The following TCEAL4 variants were observed in gnomAD, a reference collection of about 807,000 sequenced individuals.
TCEAL4 encodes the protein transcription elongation factor A like 4.
Under a neutral mutation model 1.3 loss-of-function variants are expected in TCEAL4, and 1 was observed. That is an observed-to-expected ratio of 0.79 (90% CI 0.28 to 3.76). The LOEUF is 3.76. TCEAL4 is among the 30% of genes most tolerant of loss of function. The pLI is 0.18. For synonymous variants in TCEAL4, 54 were observed against 50.7 expected, an observed-to-expected ratio of 1.06 and a Z score of -0.28; for missense variants, 129 against 154.7, an observed-to-expected ratio of 0.83 and a Z score of 0.88.
At chrX:103,584,967 CT>C (rs1265727437), upstream of TCEAL4, among the ~76,000 whole-genome samples, 7 of 112,900 alleles carry the variant, frequency 6.2e-5, no homozygotes, top group African/African-American at 2.3e-4. Context: ...AGATGCTATA[CT>C]TTGGCTTTTT....
chrX:103,579,520 T>C lies in TCEAL4; in HGVS notation c.183+2307T>C, dbSNP rs747006601. On this transcript the variant is annotated intron_variant, in intron 2 of 4. Coordinates refer to the TCEAL4 transcript ENST00000372629. Reference sequence around the variant, plus strand: ...TTGAATTTATTTCTAAGTGTTTTATTATCTTTATGCTATTTTAAGTGGAAT... The same window carrying C: ...TTGAATTTATTTCTAAGTGTTTTATCATCTTTATGCTATTTTAAGTGGAAT... Among the ~76,000 whole-genome samples the C allele has an allele frequency of 2.1e-4, 24 of 112,730 alleles. No individual in the cohort carries two copies. The South Asian group carries it at 8.7e-3, about 41-fold the overall frequency.
chrX:103,585,630 T>G lies in TCEAL4; in HGVS notation c.-101+6T>G. On this transcript the variant is annotated splice_donor_region_variant and intron_variant, in intron 1 of 2. Transcript: ENST00000472484. The stretch of plus-strand genomic sequence containing the variant: ...CTTGGTCCAGCTTCTTCCAGGTCAG[T>G]GTGCGGGCCTTCCACGCTGCCAGCG... The G allele has an allele frequency of 4.3e-6, 5 of 1,154,174 alleles. No homozygotes were observed. Among genetic ancestry groups the G allele is most frequent in the Non-Finnish European group, 5.8e-6 (5 of 867,457 alleles).
chrX:103,585,966 G>A, intron 1 of TCEAL4: 1 of 1,077,777 alleles, frequency 9.3e-7, no homozygotes, highest in Admixed American at 3.9e-5. Context: ...GTTCCCGTGC[G>A]TAGAGAAAAA....
At chrX:103,580,739 G>A (rs753508695), upstream of TCEAL4, among the ~76,000 whole-genome samples, 2 of 111,702 alleles carry the variant, frequency 1.8e-5, no homozygotes, top group African/African-American at 3.3e-5. Flanking sequence ...TGAAATATAA[G>A]ACTACTTTAG....
chrX:103,579,510 A>G (rs748151402), intron 2 of TCEAL4, among the ~76,000 whole-genome samples: 3 of 112,035 alleles, frequency 2.7e-5, no homozygotes, highest in Non-Finnish European at 5.6e-5. Context: ...TTTATTTCTA[A>G]GTGTTTTATT....
chrX:103,585,587 G>A lies in TCEAL4; in HGVS notation c.-138G>A, dbSNP rs1603161902. The A allele has an allele frequency of 8.6e-7, 1 of 1,165,290 alleles. No individual in the cohort carries two copies. The highest frequency in any genetic ancestry group is 1.1e-6 in the Non-Finnish European group (1 of 872,295). On this transcript the variant is annotated 5_prime_UTR_variant, in exon 1 of 3. Transcript: ENST00000472484. ...CCGCGGCTGGGTCTCGTCTGCTCCG[G>A]TTCCTGGGCTCCTAATTCTTGGTCC...
Position 103,586,639 on chromosome X carries a change from C to G in TCEAL4, c.-27-10C>G. The G allele has an allele frequency of 2.5e-6, 3 of 1,200,306 alleles. No homozygotes were observed. The highest frequency in any genetic ancestry group is 3.4e-6 in the Non-Finnish European group (3 of 890,993). ...CTTTGTCTCCTCTTTCCTCCACCCC[C>G]ATCCCCCAGGACAGGAAAAGGAGGG... On this transcript the variant is annotated splice_polypyrimidine_tract_variant and intron_variant, in intron 2 of 2. Transcript: ENST00000472484.
Position 103,586,875 on chromosome X carries a change from G to A in TCEAL4, c.200G>A (p.Ser67Asn). The change falls in exon 3 of 3, where the codon AGT becomes AAT. Residue 67 changes from serine to asparagine, a missense_variant. Transcript: ENST00000472484. ...TTAAAGGATAAAGGAAAGCCAGAGA[G>A]TGAGGGAGAGGCAAAAGAAGGAAAG... ...EMLKDKGKPE[S>N]EGEAKEGKSE... The A allele has an allele frequency of 8.4e-7, 1 of 1,196,888 alleles. No individual in the cohort carries two copies.
At chrX:103,579,879 C>T (rs1413416877) in intron 2 of TCEAL4, among the ~76,000 whole-genome samples, 2 of 112,166 alleles carry the variant, frequency 1.8e-5, no homozygotes, top group African/African-American at 6.5e-5. Flanking sequence ...CTATTTTTTA[C>T]TACTGATCAG....
chrX:103,586,439 C>T (rs1415241159), intron 2 of TCEAL4, 148 bp downstream of exon 2: 3 of 842,039 alleles, frequency 3.6e-6, no homozygotes, highest in Non-Finnish European at 5.0e-6. Context: ...GAGAAAGTGG[C>T]AGAGCCTGTC....
chrX:103,580,201 A>G (rs1395018353), intron 2 of TCEAL4, among the ~76,000 whole-genome samples: 1 of 112,197 alleles, frequency 8.9e-6, no homozygotes, highest in African/African-American at 3.2e-5. Flanking sequence ...GTTGATGAAC[A>G]GTTAATAAAG....
upstream of TCEAL4, among the ~76,000 whole-genome samples, chrX:103,584,915 C>T (rs221930): frequency 0.013 from 1,462 of 112,325 alleles, 27 homozygotes; most frequent in African/African-American, 0.044. Flanking sequence ...TTAAAAAGGC[C>T]AGAAAGGCTA....
At chrX:103,585,458 G>A, upstream of TCEAL4, 1 of 1,086,847 alleles carries the variant, frequency 9.2e-7, no homozygotes, top group South Asian at 2.4e-5. Flanking sequence ...GAAGCGGCTG[G>A]CTAGGAGGCG....
upstream of TCEAL4, among the ~76,000 whole-genome samples, chrX:103,582,897 C>T (rs2157160): frequency 0.37 from 40,535 of 110,393 alleles, 6,352 homozygotes; most frequent in East Asian, 0.52. Context: ...ATTAAACTAA[C>T]GAGCTTCTAC....
chrX:103,578,674 A>G (rs936085734), intron 2 of TCEAL4, among the ~76,000 whole-genome samples: 6 of 111,798 alleles, frequency 5.4e-5, no homozygotes, highest in African/African-American at 1.9e-4. Context: ...TCCTTTGCCC[A>G]TTTTAAAATT....
intron 1 of TCEAL4, 174 bp from the exon 2 acceptor site, chrX:103,586,045 T>C: frequency 9.2e-7 from 1 of 1,084,586 alleles, no homozygotes; most frequent in Non-Finnish European, 1.2e-6. Context: ...AAAATTAGTT[T>C]GGAAAGCATC....
intron 1 of TCEAL4, chrX:103,585,944 A>G (rs907385100): frequency 1.3e-5 from 14 of 1,070,600 alleles, no homozygotes; most frequent in Non-Finnish European, 1.6e-5. Flanking sequence ...GTGGAAGTAA[A>G]CCCCATCTGC....
Position 103,587,242 on chromosome X carries a change from C to T in TCEAL4, c.567C>T (p.Pro189=), listed in dbSNP as rs373009602. The change falls in exon 3 of 3, where the codon CCC becomes CCT. Residue 189 remains proline (P), a synonymous_variant. Transcript: ENST00000472484. The stretch of plus-strand genomic sequence containing the variant: ...GGATGCAAAGAAATTTACAGGACCC[C>T]TTCTACCCTAGAGGTCCAAGGGAAT... ...FLWMQRNLQD[P]FYPRGPREFR... The T allele has an allele frequency of 3.8e-5, 46 of 1,206,387 alleles. No individual in the cohort carries two copies. The highest frequency in any genetic ancestry group is 4.7e-5 in the Non-Finnish European group (42 of 894,124).
upstream of TCEAL4, among the ~76,000 whole-genome samples, chrX:103,584,432 A>G (rs999202380): frequency 1.4e-4 from 16 of 111,910 alleles, no homozygotes; most frequent in Admixed American, 1.2e-3. Flanking sequence ...CGGACAGCAT[A>G]GAATACGATA....
Sources: allele counts gnomAD v4.1 joint callset (sites outside exome capture counted in the v4.1 genomes callset), GRCh38; gene constraint gnomAD v4.1.1; transcripts MANE v1.5; gene names NCBI Gene and HGNC (gene_info 2026-07-23, HGNC 2026-07-21).